EDA: variants seen among roughly 807,000 people sequenced by gnomAD.
The protein encoded by EDA is ectodysplasin A.
Under a neutral mutation model 23.6 loss-of-function variants are expected in EDA, and 2 were observed. The observed-to-expected ratio is 0.08, with a 90% CI of 0.03 to 0.27. EDA has a LOEUF of 0.27. Among genes scored for constraint, EDA ranks in the 10% least tolerant of loss-of-function variants. EDA has a pLI of 1.00. For synonymous variants in EDA, 131 were observed against 132.0 expected (o/e 0.99, Z 0.05); for missense variants, 229 against 324.2 (o/e 0.71, Z 2.26).
At chrX:69,835,798 A>G (rs1218017982) in intron 1 of EDA, among the ~76,000 whole-genome samples, 2 of 111,700 alleles carry the variant, frequency 1.8e-5, no homozygotes, top group African/African-American at 6.5e-5. Context: ...AGGCACTCTG[A>G]TTTTTAGAAT....
intron 2 of EDA, among the ~76,000 whole-genome samples, chrX:70,002,237 G>T (rs1316845404): frequency 1.8e-5 from 2 of 110,002 alleles, no homozygotes; most frequent in Non-Finnish European, 3.8e-5. Context: ...AAAAGCAGGG[G>T]CCTGAAAACT....
chrX:69,660,791 G>A (rs373814213), intron 1 of EDA, among the ~76,000 whole-genome samples: 35 of 111,390 alleles, frequency 3.1e-4, no homozygotes, highest in South Asian at 1.1e-3. Flanking sequence ...GAATAGTGCC[G>A]CAATAAACAT....
At chrX:69,856,885 C>T (rs941171026) in intron 1 of EDA, among the ~76,000 whole-genome samples, 12 of 111,655 alleles carry the variant, frequency 1.1e-4, no homozygotes, top group Non-Finnish European at 2.3e-4. Context: ...TAAGTCCCAC[C>T]TATTTGACTT....
chrX:69,861,208 A>G (rs902992101), intron 1 of EDA: 1 of 236,585 alleles, frequency 4.2e-6, no homozygotes, highest in Non-Finnish European at 7.7e-6. Context: ...GTAAATATAA[A>G]CAAACATTGG....
chrX:69,719,220 GT>G (rs35350948), intron 1 of EDA, among the ~76,000 whole-genome samples: 35,544 of 102,868 alleles, frequency 0.35, 5,148 homozygotes, highest in Middle Eastern at 0.58. Context: ...CAATTGTATT[GT>G]TTTTTTTTTC....
intron 1 of EDA, among the ~76,000 whole-genome samples, chrX:69,633,254 C>T (rs1932672098): frequency 8.9e-6 from 1 of 112,026 alleles, no homozygotes; most frequent in Non-Finnish European, 1.9e-5. Context: ...GAGAAAGCCA[C>T]TTGACATTAT....
chrX:70,007,748 G>C (rs2019822578), intron 2 of EDA, among the ~76,000 whole-genome samples: 1 of 111,389 alleles, frequency 9.0e-6, no homozygotes, highest in Admixed American at 9.5e-5. Flanking sequence ...TGGATAGGAA[G>C]ACACAACATT....
chrX:69,812,094 A>G (rs1358328874), intron 1 of EDA, among the ~76,000 whole-genome samples: 1 of 112,480 alleles, frequency 8.9e-6, no homozygotes, highest in Non-Finnish European at 1.9e-5. Context: ...CTTACCAGCT[A>G]AACAAGATGG....
At chrX:69,779,359 A>T (rs1195802791) in intron 1 of EDA, among the ~76,000 whole-genome samples, 1 of 111,791 alleles carries the variant, frequency 8.9e-6, no homozygotes, top group Non-Finnish European at 1.9e-5. Flanking sequence ...AAAGGAATGG[A>T]CTGCTGATAC....
At chrX:70,002,651 C>T (rs907912852) in intron 2 of EDA, among the ~76,000 whole-genome samples, 9 of 112,230 alleles carry the variant, frequency 8.0e-5, no homozygotes, top group African/African-American at 1.3e-4. Context: ...TCCAAACACC[C>T]ATTCAAAGTT....
At chrX:69,888,978 T>TTATAGATATATATATATATATATATA in intron 1 of EDA, among the ~76,000 whole-genome samples, 1 of 16,013 alleles carries the variant, frequency 6.2e-5, no homozygotes, top group African/African-American at 2.3e-4. Context: ...TGTGGGGTAG[T>TTATAGATATATATATATATATATATA]TATATATATA....
chrX:69,748,984 T>A (rs939221343), intron 1 of EDA, among the ~76,000 whole-genome samples: 2 of 106,210 alleles, frequency 1.9e-5, no homozygotes, highest in Admixed American at 1.0e-4. Context: ...CATGTGCACA[T>A]TGTGCAGGTT....
At chrX:69,825,247 TG>T (rs1318200758) in intron 1 of EDA, among the ~76,000 whole-genome samples, 1 of 96,690 alleles carries the variant, frequency 1.0e-5, no homozygotes, top group African/African-American at 3.8e-5. Context: ...CTTTTTCTAT[TG>T]ATTGGAATAG....
chrX:69,787,380 C>G (rs1190736167), intron 1 of EDA, among the ~76,000 whole-genome samples: 1 of 103,560 alleles, frequency 9.7e-6, no homozygotes, highest in East Asian at 2.9e-4. Context: ...CAGTTTCTTC[C>G]TAGTCTCGAT....
chrX:70,016,334 C>G (rs2019949272), intron 2 of EDA, among the ~76,000 whole-genome samples: 1 of 110,563 alleles, frequency 9.0e-6, no homozygotes, highest in Non-Finnish European at 1.9e-5. Context: ...AGGCAGAAAA[C>G]TAATATAGAT....
chrX:69,936,168 T>A (rs768796323), intron 1 of EDA, among the ~76,000 whole-genome samples: 9 of 109,778 alleles, frequency 8.2e-5, no homozygotes, highest in East Asian at 2.8e-4. Flanking sequence ...CTTTGGATTT[T>A]AAAAAAAATC....
chrX:69,966,795 A>G (rs1364770037), intron 2 of EDA, among the ~76,000 whole-genome samples: 1 of 109,869 alleles, frequency 9.1e-6, no homozygotes, highest in Non-Finnish European at 1.9e-5. Context: ...AATGAGTTCT[A>G]TGTAGTTCTG....
At chrX:70,027,107 C>G (rs1451571341) in intron 3 of EDA, among the ~76,000 whole-genome samples, 2 of 112,112 alleles carry the variant, frequency 1.8e-5, no homozygotes. Flanking sequence ...ATAGCCCTTT[C>G]TAAAAAGAAC....
At chrX:69,782,728 AC>A (rs2014993429) in intron 1 of EDA, among the ~76,000 whole-genome samples, 1 of 112,098 alleles carries the variant, frequency 8.9e-6, no homozygotes, top group African/African-American at 3.2e-5. Flanking sequence ...TTGTAAATTA[AC>A]TGGTAAAAAG....
Sources: gnomAD v4.1 joint callset for allele counts (sites outside exome capture counted in the v4.1 genomes callset) on GRCh38, gnomAD v4.1.1 for gene constraint, MANE v1.5 for transcripts, NCBI Gene and HGNC (gene_info 2026-07-23, HGNC 2026-07-21) for gene names.